Variants in SLC8A1 observed in about 807,000 individuals in gnomAD.
SLC8A1 encodes the protein solute carrier family 8 member A1.
In SLC8A1, 18 loss-of-function variants were observed where a neutral mutation model predicts 68.3. The observed-to-expected ratio is 0.26, with a 90% confidence interval of 0.18 to 0.39. The LOEUF is 0.39. Ranked by LOEUF, SLC8A1 falls within the 10% of genes least tolerant of loss-of-function variation. The pLI is 1.00. For missense variants in SLC8A1, 985 were observed against 1,156.7 expected (o/e 0.85, Z 2.15); for synonymous variants, 475 against 415.5 (o/e 1.14, Z -1.74).
rs531492197 is a variant in SLC8A1 at position 40,115,736 on chromosome 2, C to A, written c.2438-107G>T. 6.4e-4 allele frequency: 906 copies of A among 1,414,724 alleles called. 6 individuals carry two copies. In the South Asian group the frequency reaches 8.8e-3, roughly 14 times the overall value. 87.6% of individuals were successfully genotyped at this position (1,414,724 alleles called of 1,614,324 possible). A position where few individuals can be genotyped will look rare whatever the true frequency, so the allele number is the denominator to read the frequency against. On this transcript the variant is annotated intron_variant, in intron 7 of 7. Coordinates refer to ENST00000406785, the Ensembl canonical transcript of SLC8A1. ...CTAGGACCCAACCCTTAATATAAAC[C>A]CAGTGACCAAGAAATGGCTTTGATG...
chr2:40,437,913 G>A (rs1699739299), intron 1 of SLC8A1, among the ~76,000 whole-genome samples: 1 of 152,126 alleles, frequency 6.6e-6, no homozygotes, highest in South Asian at 2.1e-4. Context: ...GAATCAAGGA[G>A]TGAGTCCCTT....
intron 2 of SLC8A1, chr2:40,213,482 G>C (rs767763513): frequency 6.6e-6 from 1 of 152,200 alleles, no homozygotes; most frequent in Non-Finnish European, 1.5e-5. Flanking sequence ...TTCGGCAGGT[G>C]AATGTCATGT....
chr2:40,141,007 T>A (rs2041455698), intron 6 of SLC8A1, among the ~76,000 whole-genome samples: 2 of 152,240 alleles, frequency 1.3e-5, no homozygotes, highest in African/African-American at 4.8e-5. Flanking sequence ...ATATTGAATG[T>A]CAACTTTTCT....
intron 2 of SLC8A1, among the ~76,000 whole-genome samples, chr2:40,225,831 C>A (rs1441095602): frequency 1.3e-5 from 2 of 152,094 alleles, no homozygotes; most frequent in Non-Finnish European, 2.9e-5. Flanking sequence ...AAACAGATTC[C>A]TCTGGTGTAA....
chr2:40,451,139 T>C (rs961422314), intron 1 of SLC8A1, among the ~76,000 whole-genome samples: 2 of 152,134 alleles, frequency 1.3e-5, no homozygotes, highest in African/African-American at 4.8e-5. Context: ...AAAAAGGATA[T>C]CTTCACATCT....
At chr2:40,441,289 G>T (rs1700430863) in intron 1 of SLC8A1, among the ~76,000 whole-genome samples, 1 of 151,380 alleles carries the variant, frequency 6.6e-6, no homozygotes, top group East Asian at 1.9e-4. Flanking sequence ...GACAGAAATG[G>T]AAAAACATTC....
chr2:40,212,281 A>ATGTTTTTTTTTTTTTTTTTTTTTT (rs371395367), intron 2 of SLC8A1, among the ~76,000 whole-genome samples: 1 of 118,212 alleles, frequency 8.5e-6, no homozygotes, highest in African/African-American at 3.1e-5. Context: ...GAGATGCAAT[A>ATGTTTTTTTTTTTTTTTTTTTTTT]TCTTTTTTTT....
At chr2:40,491,845 G>A (rs562054163) in intron 1 of SLC8A1, among the ~76,000 whole-genome samples, 1 of 152,124 alleles carries the variant, frequency 6.6e-6, no homozygotes, top group South Asian at 2.1e-4. Context: ...AAATAAAAGA[G>A]GATACAAACA....
intron 2 of SLC8A1, among the ~76,000 whole-genome samples, chr2:40,397,144 G>A (rs1687236187): frequency 6.6e-6 from 1 of 152,198 alleles, no homozygotes. Flanking sequence ...CAGATACACA[G>A]TGTTTAAAGT....
intron 2 of SLC8A1, among the ~76,000 whole-genome samples, chr2:40,336,778 AT>A (rs961825244): frequency 6.6e-6 from 1 of 152,162 alleles, no homozygotes; most frequent in African/African-American, 2.4e-5. Flanking sequence ...CATGAAAAAA[AT>A]AATAAAGTCC....
At chr2:40,290,169 C>T (rs1453082240) in intron 2 of SLC8A1, among the ~76,000 whole-genome samples, 1 of 151,958 alleles carries the variant, frequency 6.6e-6, no homozygotes, top group East Asian at 1.9e-4. Context: ...GACCCCATAT[C>T]CTCTTCATTA....
intron 2 of SLC8A1, among the ~76,000 whole-genome samples, chr2:40,276,078 C>T (rs1424870047): frequency 1.3e-5 from 2 of 152,320 alleles, no homozygotes; most frequent in Middle Eastern, 6.8e-3. Flanking sequence ...ATCTACTTGT[C>T]TATCTAAATT....
chr2:40,105,177 A>C (rs1435367207), exon 8 of SLC8A1: 1 of 152,234 alleles, frequency 6.6e-6, no homozygotes, highest in Non-Finnish European at 1.5e-5. Context: ...TATGGAGAAT[A>C]TTCCACTGGG....
intron 2 of SLC8A1, among the ~76,000 whole-genome samples, chr2:40,312,368 T>C (rs892518540): frequency 1.3e-5 from 2 of 152,068 alleles, no homozygotes; most frequent in African/African-American, 4.8e-5. Flanking sequence ...ATTTTCATCA[T>C]AGGTTATATT....
Position 40,200,213 on chromosome 2 carries a change from T to TAC in SLC8A1, c.1809-22359_1809-22358insGT, listed in dbSNP as rs1558721861. ...ATATTTATATATATATATAAATATA[T>TAC]ATATATTTTTTTATATATATATATA... On this transcript the variant is annotated intron_variant, in intron 2 of 7. Coordinates refer to ENST00000406785, the Ensembl canonical transcript of SLC8A1. Among the ~76,000 whole-genome samples, 3 of 20,524 alleles carry TAC rather than the reference T, an allele frequency of 1.5e-4. 1 individual carries two copies. The highest frequency in any genetic ancestry group is 3.1e-4 in the Non-Finnish European group (3 of 9,546). The allele number at this position is 20,524 out of a possible 152,430, so 13.5% of individuals were successfully genotyped here.
intron 2 of SLC8A1, among the ~76,000 whole-genome samples, chr2:40,180,864 C>A (rs1005418593): frequency 1.1e-5 from 1 of 89,148 alleles, no homozygotes; most frequent in African/African-American, 4.0e-5. Context: ...GTTCACAAAG[C>A]AACTTATTCA....
intron 2 of SLC8A1, among the ~76,000 whole-genome samples, chr2:40,291,184 G>A (rs891884950): frequency 6.6e-6 from 1 of 152,108 alleles, no homozygotes; most frequent in Non-Finnish European, 1.5e-5. Context: ...TCATGAAGAA[G>A]CTTTGTGCTG....
At chr2:40,296,254 T>A (rs970670766) in intron 2 of SLC8A1, among the ~76,000 whole-genome samples, 8 of 152,164 alleles carry the variant, frequency 5.3e-5, no homozygotes, top group African/African-American at 1.9e-4. Flanking sequence ...ACTTTTTCCT[T>A]AACTAGGAGA....
At chr2:40,359,918 C>A (rs1674050050) in intron 2 of SLC8A1, among the ~76,000 whole-genome samples, 1 of 133,854 alleles carries the variant, frequency 7.5e-6, no homozygotes, top group Non-Finnish European at 1.6e-5. Context: ...TATCTTTTAC[C>A]CAGAGTTTAA....
Sources: gnomAD v4.1 joint callset for allele counts (sites outside exome capture counted in the v4.1 genomes callset) on GRCh38, gnomAD v4.1.1 for gene constraint, MANE v1.5 for transcripts, NCBI Gene and HGNC (gene_info 2026-07-23, HGNC 2026-07-21) for gene names.